DENND5B: variants seen among roughly 807,000 people sequenced by gnomAD.
DENND5B encodes DENN domain containing 5B, also known as DENN domain-containing protein 5B.
DENND5B carries 34 observed loss-of-function variants against 140.6 expected under a neutral mutation model. The observed-to-expected ratio is 0.24, with a 90% confidence interval of 0.18 to 0.32. The LOEUF is 0.32. Ranked by LOEUF, DENND5B falls within the 10% of genes least tolerant of loss-of-function variation. The probability of loss-of-function intolerance (pLI) is 1.00; values close to 1 mark genes in which losing one functional copy is unlikely to be tolerated. For synonymous variants in DENND5B, 551 were observed against 562.1 expected (o/e 0.98, Z 0.28); for missense variants, 1,142 against 1,560.2 (o/e 0.73, Z 4.52).
intron 1 of DENND5B, chr12:31,541,113 A>G: frequency 2.4e-6 from 1 of 421,206 alleles, no homozygotes; most frequent in Non-Finnish European, 4.7e-6. Context: ...TACTAAAAGA[A>G]AACATTGGGG....
Position 31,479,786 on chromosome 12 carries a change from A to G in DENND5B, c.707T>C (p.Val236Ala). 6.2e-7 allele frequency: 1 copy of G among 1,612,098 alleles called. No individual in the cohort carries two copies. The highest frequency in any genetic ancestry group is 8.5e-7 in the Non-Finnish European group (1 of 1,179,024). The change falls in exon 3 of 21, where the codon GTA becomes GCA. Residue 236 changes from valine (V) to alanine (A), a missense_variant. By Grantham distance (64) the Val-to-Ala change is moderately conservative. Transcript: ENST00000389082. ...TGACCTCCCTGGAGGTGGAAGGGGT[A>G]CTTCATAAAGAATATTGTGGATATA... ...ESYIHNILYEVPLPPPGRSLK... is the reference protein window; with the variant it reads ...ESYIHNILYEAPLPPPGRSLK...
At chr12:31,557,522 C>T (rs998954577) in intron 1 of DENND5B, among the ~76,000 whole-genome samples, 1 of 151,998 alleles carries the variant, frequency 6.6e-6, no homozygotes, top group Non-Finnish European at 1.5e-5. Flanking sequence ...GCTGGGATTA[C>T]AGGTATGCAC....
intron 3 of DENND5B, among the ~76,000 whole-genome samples, chr12:31,469,951 C>T (rs1945466364): frequency 6.6e-6 from 1 of 151,804 alleles, no homozygotes; most frequent in Non-Finnish European, 1.5e-5. Context: ...CCAAATAAAC[C>T]TCTTTTATTT....
intron 15 of DENND5B, among the ~76,000 whole-genome samples, chr12:31,401,581 T>C (rs77010882): frequency 0.011 from 1,727 of 152,298 alleles, 19 homozygotes; most frequent in East Asian, 0.031. Flanking sequence ...CATGGAACTA[T>C]TTCACCAAGT....
At chr12:31,487,667 A>T (rs1946363441) in intron 2 of DENND5B, among the ~76,000 whole-genome samples, 1 of 152,214 alleles carries the variant, frequency 6.6e-6, no homozygotes, top group Non-Finnish European at 1.5e-5. Context: ...GCACCACTGC[A>T]CTCCAGCCTA....
chr12:31,408,770 T>C (rs1254842680), intron 14 of DENND5B, among the ~76,000 whole-genome samples: 1 of 152,112 alleles, frequency 6.6e-6, no homozygotes, highest in Non-Finnish European at 1.5e-5. Context: ...ATTTACTTAA[T>C]AAAACATTCC....
intron 1 of DENND5B, chr12:31,499,691 C>T: frequency 7.0e-7 from 1 of 1,427,100 alleles, no homozygotes; most frequent in Non-Finnish European, 9.1e-7. Flanking sequence ...GTAACAGAAA[C>T]AAAAAAGCTT....
chr12:31,473,944 C>T (rs961010912), intron 3 of DENND5B, among the ~76,000 whole-genome samples: 1 of 152,192 alleles, frequency 6.6e-6, no homozygotes, highest in Non-Finnish European at 1.5e-5. Flanking sequence ...GTCACTTGGA[C>T]AATGCCCTAT....
intron 4 of DENND5B, among the ~76,000 whole-genome samples, chr12:31,457,699 A>G (rs1049054021): frequency 1.3e-5 from 2 of 151,780 alleles, no homozygotes; most frequent in African/African-American, 4.8e-5. Context: ...TCTACACAGA[A>G]GCACTGCTAT....
At chr12:31,395,423 G>A (rs1047949070) in intron 17 of DENND5B, among the ~76,000 whole-genome samples, 10 of 152,056 alleles carry the variant, frequency 6.6e-5, no homozygotes, top group African/African-American at 2.2e-4. Flanking sequence ...GTGAAACCCC[G>A]TCTCTACCCA....
intron 2 of DENND5B, 97 bp from the exon 3 acceptor site, chr12:31,480,352 G>T: frequency 8.2e-7 from 1 of 1,215,578 alleles, no homozygotes; most frequent in Non-Finnish European, 1.1e-6. Context: ...GATTCAAAAA[G>T]ACAGGTTTTA....
intron 3 of DENND5B, among the ~76,000 whole-genome samples, chr12:31,476,688 G>A (rs1007114932): frequency 6.6e-6 from 1 of 152,250 alleles, no homozygotes; most frequent in Non-Finnish European, 1.5e-5. Flanking sequence ...GCTGAGATGG[G>A]AGGATGGTGT....
intron 1 of DENND5B, among the ~76,000 whole-genome samples, chr12:31,530,453 G>GA (rs1360512918): frequency 1.3e-5 from 2 of 152,112 alleles, no homozygotes; most frequent in African/African-American, 4.8e-5. Context: ...ACAATATTTT[G>GA]AATATGCAAA....
At chr12:31,525,806 G>C (rs1948065503) in intron 1 of DENND5B, among the ~76,000 whole-genome samples, 1 of 152,096 alleles carries the variant, frequency 6.6e-6, no homozygotes, top group African/African-American at 2.4e-5. Context: ...AGCCTGGGCA[G>C]CATGGAGAAA....
intron 1 of DENND5B, among the ~76,000 whole-genome samples, chr12:31,583,296 A>AC (rs1950269627): frequency 8.6e-6 from 1 of 116,048 alleles, no homozygotes; most frequent in South Asian, 3.0e-4. Context: ...AGTCTTTTAA[A>AC]AAAAAAAAAA....
Position 31,413,426 on chromosome 12 carries a change from G to A in DENND5B, c.2681+10C>T. ...ATAGAAACAGAAATGTATCAAAGAT[G>A]GTATCTTACTTGGTGAGTGGTTGGT... On this transcript the variant is annotated intron_variant, in intron 13 of 20. Coordinates refer to ENST00000389082, the MANE Select transcript of DENND5B (RefSeq NM_144973.4). 1 of 1,606,928 alleles carries A rather than the reference G, an allele frequency of 6.2e-7. No homozygotes were observed.
chr12:31,397,559 A>AAAG (rs1374686071), intron 17 of DENND5B, among the ~76,000 whole-genome samples: 2 of 147,566 alleles, frequency 1.4e-5, no homozygotes, highest in Admixed American at 6.8e-5. Context: ...CAAAAAAAAA[A>AAAG]AAAAAAAAAA....
intron 7 of DENND5B, among the ~76,000 whole-genome samples, chr12:31,436,939 T>A (rs1161377782): frequency 6.6e-6 from 1 of 152,030 alleles, no homozygotes; most frequent in Non-Finnish European, 1.5e-5. Context: ...ACCTTTCAGA[T>A]AGATTAGAGG....
chr12:31,449,731 G>GTTTTTTTTTTTTTTTTTTTTTTTTTTT (rs771712867), intron 5 of DENND5B, among the ~76,000 whole-genome samples: 3 of 89,970 alleles, frequency 3.3e-5, no homozygotes, highest in African/African-American at 4.1e-5. Context: ...ACACAGATTA[G>GTTTTTTTTTTTTTTTTTTTTTTTTTTT]TTTTTTTTTT....
Sources: gnomAD v4.1 joint callset for allele counts (sites outside exome capture counted in the v4.1 genomes callset) on GRCh38, gnomAD v4.1.1 for gene constraint, MANE v1.5 for transcripts, NCBI Gene and HGNC (gene_info 2026-07-23, HGNC 2026-07-21) for gene names.